SSR2: variants seen among roughly 807,000 people sequenced by gnomAD.
SSR2 encodes the protein translocon-associated protein subunit beta.
In SSR2, 16 loss-of-function variants were observed where a neutral mutation model predicts 22.6. The ratio of observed to expected loss-of-function variants is 0.71; its 90% confidence interval spans 0.48 to 1.08. The LOEUF (loss-of-function observed/expected upper bound fraction) is 1.08, where lower values mean the gene tolerates loss of function less well. SSR2 is among the 50% of genes least tolerant of loss of function. The probability of loss-of-function intolerance (pLI) is 0.00; values close to 1 mark genes in which losing one functional copy is unlikely to be tolerated. For synonymous variants in SSR2, 83 were observed against 91.2 expected (o/e 0.91, Z 0.51); for missense variants, 171 against 221.6 (o/e 0.77, Z 1.45).
chr1:156,018,394 G>T, intron 2 of SSR2, 26 bp from the exon 3 acceptor site: 1 of 1,579,204 alleles, frequency 6.3e-7, no homozygotes, highest in Non-Finnish European at 8.7e-7. Context: ...AACAAAAAGG[G>T]TTAGTAAGTA....
rs530614214 is a variant in SSR2, at chr1:156,011,902, A to G, written c.364-15T>C. On this transcript the variant is annotated splice_polypyrimidine_tract_variant and intron_variant, in intron 4 of 5. Coordinates refer to ENST00000295702, the MANE Select transcript of SSR2 (RefSeq NM_003145.4). ...GTAGAGCCAATCTGAAAAGAAGAAA[A>G]GAACGACATTAAGGGAAGTCCACCT... The G allele has an allele frequency of 6.8e-6, 11 of 1,609,092 alleles. No homozygotes were observed. In the South Asian group the frequency reaches 8.8e-5, roughly 13 times the overall value.
chr1:156,020,258 G>A (rs764261705), intron 1 of SSR2, 91 bp from the exon 2 acceptor site: 7 of 1,388,226 alleles, frequency 5.0e-6, no homozygotes, highest in South Asian at 1.3e-5. Flanking sequence ...AAGCTCCTTC[G>A]ATGCTACCAG....
At position 156,018,345 on chromosome 1, in the gene SSR2, G is replaced by C. The variant is rs763960070; in HGVS notation, c.179C>G (p.Ser60Cys). 1.7e-5 allele frequency: 28 copies of C among 1,613,296 alleles called. No individual in the cohort carries two copies. In the East Asian group the frequency reaches 6.0e-4, roughly 35 times the overall value. ...GTCTTCTGGAGGGAAGGAATCATCAGATAGTTCCACGTCTAATGCAGCACT... is the reference window on the plus strand; with the variant it reads ...GTCTTCTGGAGGGAAGGAATCATCACATAGTTCCACGTCTAATGCAGCACT... Reference protein sequence around the residue: ...GSSAALDVELSDDSFPPEDFG... With the variant: ...GSSAALDVELCDDSFPPEDFG... Residue 60 changes from serine to cysteine, a missense_variant, in exon 3 of 6, where the codon TCT becomes TGT. Ser to Cys is a moderately radical substitution (Grantham distance 112). Coordinates refer to ENST00000295702, the MANE Select transcript of SSR2 (RefSeq NM_003145.4).
intron 3 of SSR2, among the ~76,000 whole-genome samples, chr1:156,017,263 G>C (rs956150750): frequency 6.6e-6 from 1 of 152,286 alleles, no homozygotes; most frequent in African/African-American, 2.4e-5. Context: ...TCAATACTCA[G>C]GAGATAATTG....
intron 3 of SSR2, among the ~76,000 whole-genome samples, chr1:156,016,751 G>C (rs1344577235): frequency 6.6e-6 from 1 of 152,156 alleles, no homozygotes; most frequent in African/African-American, 2.4e-5. Context: ...GGCCTGGTGG[G>C]AGGGAATTGG....
intron 3 of SSR2, among the ~76,000 whole-genome samples, chr1:156,017,356 T>C (rs1017457619): frequency 2.0e-5 from 3 of 152,084 alleles, no homozygotes; most frequent in African/African-American, 4.8e-5. Context: ...AGTGAATTTC[T>C]TTTTTTTATT....
Position 156,017,410 on chromosome 1 carries a change from C to T in SSR2, c.254+860G>A, listed in dbSNP as rs1341248286. ...TGTCGCCCAGGCTAGAGTGCAGTGG[C>T]GCGATCTCAGCTCACTGCAACCTGC... is the stretch of plus-strand genomic sequence containing the variant. On this transcript the variant is annotated intron_variant, in intron 3 of 5. Coordinates refer to ENST00000295702, the MANE Select transcript of SSR2 (RefSeq NM_003145.4). 2.6e-5 allele frequency among the ~76,000 whole-genome samples: 4 copies of T among 152,122 alleles called. No individual in the cohort carries two copies. The East Asian group carries it at 5.8e-4, about 22-fold the overall frequency.
rs1220626411 is a variant in SSR2, at chr1:156,020,927, G to A, written c.-40C>T. ...ACGCCTTTCCGGAGCCACAAAGACA[G>A]GAAGAGAGCGTCAGCATCCGAAAGA... On this transcript the variant is annotated 5_prime_UTR_variant, in exon 1 of 6. Transcript: ENST00000295702. 2.1e-6 allele frequency: 1 copy of A among 471,148 alleles called. No homozygotes were observed. The highest frequency in any genetic ancestry group is 4.4e-6 in the Non-Finnish European group (1 of 226,974). The allele number at this position is 471,148 out of a possible 1,614,324, so 29.2% of individuals were successfully genotyped here.
chr1:156,020,250 G>A (rs778195793), intron 1 of SSR2, 83 bp from the exon 2 acceptor site: 23 of 1,481,394 alleles, frequency 1.6e-5, no homozygotes, highest in Non-Finnish European at 2.0e-5. Context: ...CCCGTAGAAA[G>A]CTCCTTCGAT....
chr1:156,019,811 G>A lies in SSR2; in HGVS notation c.155+202C>T, dbSNP rs187766203. Among the ~76,000 whole-genome samples, 54 of 152,206 alleles carry A rather than the reference G, an allele frequency of 3.5e-4. 1 individual carries two copies. In the East Asian group the frequency reaches 9.6e-3, roughly 27 times the overall value. ...CTCTAAAATTCTTCCAACCCGAAAC[G>A]TGAAAGATGGTTTCTTGTAGCTTAG... is the stretch of plus-strand genomic sequence containing the variant. On this transcript the variant is annotated intron_variant, in intron 2 of 5. Coordinates refer to ENST00000295702, the MANE Select transcript of SSR2 (RefSeq NM_003145.4).
At chr1:156,016,977 CCT>C (rs952013745) in intron 3 of SSR2, among the ~76,000 whole-genome samples, 8 of 152,170 alleles carry the variant, frequency 5.3e-5, no homozygotes, top group Non-Finnish European at 7.3e-5. Flanking sequence ...ACAAATTAAA[CCT>C]CTTTTTTTAA....
At chr1:156,017,748 T>G (rs1229928010) in intron 3 of SSR2, among the ~76,000 whole-genome samples, 1 of 117,092 alleles carries the variant, frequency 8.5e-6, no homozygotes, top group Admixed American at 8.9e-5. Context: ...GGTTTTTTTT[T>G]TTTTTTTTTT....
intron 5 of SSR2, chr1:156,011,519 AT>A (rs11288216): frequency 0.95 from 175,892 of 184,592 alleles, 83,604 homozygotes; most frequent in African/African-American, 0.98. Flanking sequence ...ATCTAATCAG[AT>A]TTTTTTTTTT....
intron 3 of SSR2, 96 bp from the exon 4 acceptor site, chr1:156,015,165 A>G (rs1683032467): frequency 2.2e-6 from 2 of 892,172 alleles, no homozygotes; most frequent in Admixed American, 2.1e-5. Flanking sequence ...AACATTTGCC[A>G]ATACATGCTG....
At chr1:156,012,278 C>G (rs1008294890) in intron 4 of SSR2, 19 of 306,086 alleles carry the variant, frequency 6.2e-5, no homozygotes, top group Admixed American at 5.5e-4. Context: ...ATGACTTACC[C>G]TTGGTAATCA....
chr1:156,018,179 C>G (rs1396187095), intron 3 of SSR2, 91 bp downstream of exon 3: 2 of 907,594 alleles, frequency 2.2e-6, no homozygotes, highest in East Asian at 4.9e-5. Context: ...GACAGCCACA[C>G]ATATCCAGCC....
At position 156,015,000 on chromosome 1, in the gene SSR2, T is replaced by G. The variant is rs1572256812; in HGVS notation, c.324A>C (p.Ala108=). Residue 108 remains alanine, a synonymous_variant, in exon 4 of 6, where the codon GCA becomes GCC. Coordinates refer to ENST00000295702, the MANE Select transcript of SSR2 (RefSeq NM_003145.4). The part of the protein sequence containing the change: ...LKAGYFNFTS[A]TITYLAQEDG... ...CCTCCTGGGCCAGGTAAGTAATTGT[T>G]GCCGAGGTGAAGTTGAAATAACCAG... 4.3e-6 allele frequency: 7 copies of G among 1,614,006 alleles called. No individual in the cohort carries two copies. Among genetic ancestry groups the G allele is most frequent in the Non-Finnish European group, 5.9e-6 (7 of 1,179,934 alleles).
intron 3 of SSR2, among the ~76,000 whole-genome samples, chr1:156,016,308 A>G (rs1237570521): frequency 1.3e-5 from 2 of 151,448 alleles, no homozygotes; most frequent in African/African-American, 4.9e-5. Flanking sequence ...ATCTCAGCTC[A>G]CTGCAAGCTC....
At chr1:156,016,265 G>A (rs998438405) in intron 3 of SSR2, among the ~76,000 whole-genome samples, 18 of 149,840 alleles carry the variant, frequency 1.2e-4, no homozygotes, top group East Asian at 3.9e-4. Flanking sequence ...TGACAGTCTC[G>A]CTCCGTCGCC....
Sources: gnomAD v4.1 joint callset for allele counts (sites outside exome capture counted in the v4.1 genomes callset) on GRCh38, gnomAD v4.1.1 for gene constraint, MANE v1.5 for transcripts, NCBI Gene and HGNC (gene_info 2026-07-23, HGNC 2026-07-21) for gene names.